Variants in RBFOX2 observed in about 807,000 individuals in gnomAD.
RBFOX2 encodes the protein RNA binding fox-1 homolog 2.
Under a neutral mutation model 49.1 loss-of-function variants are expected in RBFOX2, and 10 were observed. That is an observed-to-expected ratio of 0.20 (90% CI 0.13 to 0.35). The LOEUF (loss-of-function observed/expected upper bound fraction) is 0.35, where lower values mean the gene tolerates loss of function less well. Ranked by LOEUF, RBFOX2 falls within the 10% of genes least tolerant of loss-of-function variation. The pLI is 1.00. For synonymous variants in RBFOX2, 183 were observed against 187.4 expected, an observed-to-expected ratio of 0.98 and a Z score of 0.19; for missense variants, 323 against 486.9, an observed-to-expected ratio of 0.66 and a Z score of 3.17.
rs1173657385 is a variant in RBFOX2 at position 35,892,911 on chromosome 22, C to T, written c.-34+45936G>A. Among the ~76,000 whole-genome samples, 7 of 152,218 alleles carry T rather than the reference C, an allele frequency of 4.6e-5. 1 individual carries two copies. Among genetic ancestry groups the T allele is most frequent in the Admixed American group, 2.6e-4 (4 of 15,282 alleles). On this transcript the variant is annotated intron_variant, in intron 1 of 13. Transcript: ENST00000359369. ...TACACTAAAACTCTCATCTCCTATT[C>T]CTAGTCCACAGCAGCTCCTCTGTGC...
intron 1 of RBFOX2, among the ~76,000 whole-genome samples, chr22:35,889,512 C>T (rs1275230697): frequency 3.9e-5 from 6 of 152,136 alleles, no homozygotes. Context: ...CCCTCCAGCC[C>T]ATTCTATCAT....
intron 1 of RBFOX2, among the ~76,000 whole-genome samples, chr22:35,936,917 T>C (rs1470343922): frequency 6.6e-6 from 1 of 152,212 alleles, no homozygotes; most frequent in African/African-American, 2.4e-5. Flanking sequence ...TCAATTAGCT[T>C]TACCTTCCTA....
intron 1 of RBFOX2, among the ~76,000 whole-genome samples, chr22:35,883,216 G>A (rs2046150372): frequency 6.6e-6 from 1 of 152,150 alleles, no homozygotes; most frequent in Non-Finnish European, 1.5e-5. Context: ...AGAATGCTAG[G>A]GGTGTCCGAC....
At chr22:35,956,836 T>C (rs1216742155) in intron 1 of RBFOX2, among the ~76,000 whole-genome samples, 2 of 152,196 alleles carry the variant, frequency 1.3e-5, no homozygotes, top group Non-Finnish European at 2.9e-5. Context: ...TTACCCATTT[T>C]GCCAAAGAGA....
At chr22:35,868,644 C>T (rs1656335323) in intron 1 of RBFOX2, among the ~76,000 whole-genome samples, 1 of 152,034 alleles carries the variant, frequency 6.6e-6, no homozygotes, top group South Asian at 2.1e-4. Flanking sequence ...CAAGTTTCCA[C>T]TAAGTATGGG....
At chr22:35,926,339 T>C (rs1049498542) in intron 1 of RBFOX2, among the ~76,000 whole-genome samples, 4 of 152,370 alleles carry the variant, frequency 2.6e-5, no homozygotes, top group Non-Finnish European at 5.9e-5. Context: ...ATTTCTCGAT[T>C]TTGAAAATTG....
intron 1 of RBFOX2, among the ~76,000 whole-genome samples, chr22:35,884,353 T>G (rs754638805): frequency 1.3e-5 from 2 of 152,178 alleles, no homozygotes; most frequent in Non-Finnish European, 2.9e-5. Context: ...TAAAACAGCA[T>G]TTATTATCTC....
At chr22:35,842,561 G>C (rs2040640779), upstream of RBFOX2, among the ~76,000 whole-genome samples, 1 of 152,060 alleles carries the variant, frequency 6.6e-6, no homozygotes. Context: ...CATACTAATG[G>C]GATAACTGTG....
chr22:35,869,572 C>A (rs2044116221), intron 1 of RBFOX2, among the ~76,000 whole-genome samples: 1 of 150,216 alleles, frequency 6.7e-6, no homozygotes, highest in South Asian at 2.1e-4. Context: ...CATCTTCCCA[C>A]TTCAGCTTCT....
intron 2 of RBFOX2, among the ~76,000 whole-genome samples, chr22:35,785,651 C>T (rs959920293): frequency 6.6e-6 from 1 of 152,184 alleles, no homozygotes; most frequent in Admixed American, 6.5e-5. Flanking sequence ...AACAGCTTTT[C>T]AAGTGTCAAT....
chr22:35,887,842 C>G (rs985402490), intron 1 of RBFOX2, among the ~76,000 whole-genome samples: 2 of 152,154 alleles, frequency 1.3e-5, no homozygotes, highest in Non-Finnish European at 2.9e-5. Context: ...CTAATACAAT[C>G]ATTACCTACA....
intron 1 of RBFOX2, among the ~76,000 whole-genome samples, chr22:35,889,808 A>T (rs2047034110): frequency 6.6e-6 from 1 of 152,102 alleles, no homozygotes; most frequent in South Asian, 2.1e-4. Flanking sequence ...GAGCAATTAG[A>T]GTGGCAAAAT....
intron 1 of RBFOX2, among the ~76,000 whole-genome samples, chr22:35,947,987 CACTG>C (rs2054505129): frequency 6.6e-6 from 1 of 152,236 alleles, no homozygotes; most frequent in Non-Finnish European, 1.5e-5. Context: ...CACACTCACT[CACTG>C]ACTCATCCAC....
At position 35,897,288 on chromosome 22, in the gene RBFOX2, T is replaced by G. The variant is rs537416546; in HGVS notation, c.-34+41559A>C. 4.6e-5 allele frequency: 69 copies of G among 1,510,028 alleles called. No individual in the cohort carries two copies. In the Middle Eastern group the frequency reaches 1.0e-3, roughly 22 times the overall value. 93.5% of individuals were successfully genotyped at this position (1,510,028 alleles called of 1,614,324 possible). ...CTAAATGTTGACGGTCTTGGCCAGC[T>G]TCACATCCTCAATTTCAGCAGACAG... On this transcript the variant is annotated intron_variant, in intron 1 of 13. Transcript: ENST00000359369.
chr22:35,851,092 C>T (rs1357764795), intron 1 of RBFOX2, among the ~76,000 whole-genome samples: 2 of 152,288 alleles, frequency 1.3e-5, no homozygotes, highest in Non-Finnish European at 2.9e-5. Context: ...CCGCCCCCAT[C>T]AGTGTAATTC....
At chr22:35,756,617 G>A (rs1402752240) in intron 9 of RBFOX2, among the ~76,000 whole-genome samples, 1 of 152,102 alleles carries the variant, frequency 6.6e-6, no homozygotes, top group African/African-American at 2.4e-5. Context: ...GGCAGGGCCT[G>A]TATGCAAAGT....
chr22:35,772,136 G>A (rs916658268), intron 4 of RBFOX2, among the ~76,000 whole-genome samples: 7 of 151,918 alleles, frequency 4.6e-5, no homozygotes, highest in Non-Finnish European at 8.8e-5. Flanking sequence ...CTGAACAAGA[G>A]GAAATATTTC....
intron 1 of RBFOX2, among the ~76,000 whole-genome samples, chr22:36,001,884 T>C (rs1018748671): frequency 1.3e-5 from 2 of 151,956 alleles, no homozygotes; most frequent in Admixed American, 1.3e-4. Context: ...GCCAACATGG[T>C]GAAACCCCGT....
chr22:35,962,907 A>G (rs2056320540), upstream of RBFOX2, among the ~76,000 whole-genome samples: 1 of 152,002 alleles, frequency 6.6e-6, no homozygotes, highest in Non-Finnish European at 1.5e-5. Context: ...AGGACAAAGT[A>G]TCAATTGTGA....
Sources: gnomAD v4.1 joint callset for allele counts (sites outside exome capture counted in the v4.1 genomes callset) on GRCh38, gnomAD v4.1.1 for gene constraint, MANE v1.5 for transcripts, NCBI Gene and HGNC (gene_info 2026-07-23, HGNC 2026-07-21) for gene names.